Variants in DCC observed in about 807,000 individuals in gnomAD.
DCC encodes netrin receptor DCC.
A neutral mutation model predicts 172.5 loss-of-function variants in DCC; 58 were observed. The observed-to-expected ratio is 0.34, with a 90% CI of 0.27 to 0.42. DCC has a LOEUF of 0.42. DCC is among the 10% of genes least tolerant of loss of function. DCC has a pLI of 1.00. For synonymous variants in DCC, 709 were observed against 644.5 expected, an observed-to-expected ratio of 1.10 and a Z score of -1.52; for missense variants, 1,740 against 1,791.0, an observed-to-expected ratio of 0.97 and a Z score of 0.51.
chr18:52,879,079 C>T (rs2039442929), intron 2 of DCC, among the ~76,000 whole-genome samples: 2 of 152,154 alleles, frequency 1.3e-5, no homozygotes, highest in African/African-American at 4.8e-5. Context: ...ATACCAGGTG[C>T]AGGAAATACC....
chr18:53,140,479 C>T (rs1255065765), intron 7 of DCC, among the ~76,000 whole-genome samples: 3 of 152,002 alleles, frequency 2.0e-5, no homozygotes, highest in East Asian at 1.9e-4. Context: ...CTTAAATATG[C>T]CCCCAAATAT....
Position 53,099,939 on chromosome 18 carries a change from C to CTTTTTTTTTTTTTTTTTTTTTTT in DCC, c.1261+33776_1261+33777insTTTTTTTTTTTTTTTTTTTTTTT, listed in dbSNP as rs200213348. 2.2e-4 allele frequency among the ~76,000 whole-genome samples: 19 copies of CTTTTTTTTTTTTTTTTTTTTTTT among 87,176 alleles called. 4 individuals are homozygous for CTTTTTTTTTTTTTTTTTTTTTTT. Among genetic ancestry groups the CTTTTTTTTTTTTTTTTTTTTTTT allele is most frequent in the African/African-American group, 5.3e-4 (10 of 18,844 alleles). 57.2% of individuals were successfully genotyped at this position (87,176 alleles called of 152,430 possible). ...AAGAGACTTTTCTTTTCTTTTCTTT[C>CTTTTTTTTTTTTTTTTTTTTTTT]TTTCTTTTTTTTTTTTTTTTTGTTT... On this transcript the variant is annotated intron_variant, in intron 7 of 28. Coordinates refer to ENST00000442544, the MANE Select transcript of DCC (RefSeq NM_005215.4).
intron 8 of DCC, among the ~76,000 whole-genome samples, chr18:53,166,233 G>A (rs2054920212): frequency 6.6e-6 from 1 of 151,870 alleles, no homozygotes; most frequent in Admixed American, 6.6e-5. Flanking sequence ...GCAATTTGCT[G>A]AGATTAGGAT....
chr18:52,879,639 C>T (rs1237175443), intron 2 of DCC, among the ~76,000 whole-genome samples: 1 of 151,716 alleles, frequency 6.6e-6, no homozygotes, highest in African/African-American at 2.4e-5. Context: ...ACCATATTGG[C>T]CAGGATGGTC....
chr18:53,267,711 C>T (rs749020244), intron 12 of DCC, among the ~76,000 whole-genome samples: 7 of 152,242 alleles, frequency 4.6e-5, no homozygotes, highest in Non-Finnish European at 8.8e-5. Context: ...AGCAATCCTC[C>T]TGACTTGGTC....
At chr18:52,994,094 G>A (rs1289476166) in intron 5 of DCC, among the ~76,000 whole-genome samples, 1 of 151,970 alleles carries the variant, frequency 6.6e-6, no homozygotes, top group South Asian at 2.1e-4. Context: ...TATGTCTCAG[G>A]AATAGTCCTA....
At chr18:52,458,639 A>T (rs1192960106) in intron 1 of DCC, among the ~76,000 whole-genome samples, 1 of 152,162 alleles carries the variant, frequency 6.6e-6, no homozygotes, top group Non-Finnish European at 1.5e-5. Flanking sequence ...AGCACCAGAG[A>T]TTCATTCAGA....
intron 22 of DCC, among the ~76,000 whole-genome samples, chr18:53,444,754 G>A (rs894913611): frequency 6.6e-5 from 10 of 152,196 alleles, no homozygotes; most frequent in African/African-American, 2.4e-4. Context: ...ATATGCACTG[G>A]AAGACCAAAA....
intron 1 of DCC, among the ~76,000 whole-genome samples, chr18:52,735,151 T>C (rs2036705497): frequency 6.6e-6 from 1 of 152,118 alleles, no homozygotes; most frequent in South Asian, 2.1e-4. Flanking sequence ...TGTCAGACAC[T>C]CAGGGTCTTC....
At chr18:52,422,591 T>G (rs1208832138) in intron 1 of DCC, among the ~76,000 whole-genome samples, 1 of 152,162 alleles carries the variant, frequency 6.6e-6, no homozygotes, top group Admixed American at 6.6e-5. Context: ...CATTCCAGGA[T>G]ATACAAACTA....
chr18:52,469,042 T>G (rs946775908), intron 1 of DCC, among the ~76,000 whole-genome samples: 26 of 129,972 alleles, frequency 2.0e-4, no homozygotes, highest in South Asian at 7.1e-4. Context: ...TTTATTTATT[T>G]ATTTATTTAT....
At chr18:53,064,884 T>C (rs1449978889) in intron 6 of DCC, among the ~76,000 whole-genome samples, 1 of 152,186 alleles carries the variant, frequency 6.6e-6, no homozygotes, top group African/African-American at 2.4e-5. Flanking sequence ...TTAAAGGACA[T>C]TTTTCAGTGC....
chr18:53,114,137 A>G (rs2043376121), intron 7 of DCC, among the ~76,000 whole-genome samples: 2 of 151,468 alleles, frequency 1.3e-5, no homozygotes, highest in South Asian at 4.1e-4. Context: ...TGCATAATGC[A>G]CTCATGTTTA....
At chr18:52,511,145 G>C (rs1003982815) in intron 1 of DCC, among the ~76,000 whole-genome samples, 7 of 151,964 alleles carry the variant, frequency 4.6e-5, no homozygotes, top group Admixed American at 3.9e-4. Context: ...GCTGGGCATG[G>C]TGGTGCATGC....
chr18:52,499,476 TCTA>T (rs1396131226), intron 1 of DCC, among the ~76,000 whole-genome samples: 1 of 152,144 alleles, frequency 6.6e-6, no homozygotes, highest in Non-Finnish European at 1.5e-5. Context: ...CACTATTTCA[TCTA>T]CTTTTTGGAT....
chr18:53,427,959 A>AAT (rs1911118213), intron 21 of DCC, among the ~76,000 whole-genome samples: 1 of 46,476 alleles, frequency 2.2e-5, no homozygotes, highest in East Asian at 4.7e-4. Context: ...TATATAATAT[A>AAT]ATAATATAAT....
At chr18:52,607,927 A>G (rs977014849) in intron 1 of DCC, among the ~76,000 whole-genome samples, 3 of 152,164 alleles carry the variant, frequency 2.0e-5, no homozygotes, top group Admixed American at 2.0e-4. Context: ...GGAAAGATAA[A>G]TGATATTTTG....
chr18:53,523,310 T>C (rs1261183542), intron 27 of DCC, among the ~76,000 whole-genome samples: 1 of 152,188 alleles, frequency 6.6e-6, no homozygotes, highest in African/African-American at 2.4e-5. Flanking sequence ...TTTTACACTG[T>C]TGGTGGGAGT....
chr18:52,369,644 A>T (rs907766960), intron 1 of DCC, among the ~76,000 whole-genome samples: 7 of 151,646 alleles, frequency 4.6e-5, no homozygotes, highest in African/African-American at 1.7e-4. Context: ...TTTTTTCTTT[A>T]ATTGTCAGTA....
Sources: allele counts gnomAD v4.1 joint callset (sites outside exome capture counted in the v4.1 genomes callset), GRCh38; gene constraint gnomAD v4.1.1; transcripts MANE v1.5; gene names NCBI Gene and HGNC (gene_info 2026-07-23, HGNC 2026-07-21).